Variants in PRKD1 observed in about 807,000 individuals in gnomAD.
The protein encoded by PRKD1 is protein kinase D1.
PRKD1 carries 63 observed loss-of-function variants against 95.9 expected under a neutral mutation model. That is an observed-to-expected ratio of 0.66 (90% CI 0.54 to 0.81). The LOEUF (loss-of-function observed/expected upper bound fraction) is 0.81, where lower values mean the gene tolerates loss of function less well. PRKD1 is among the 30% of genes least tolerant of loss of function. The probability of loss-of-function intolerance (pLI) is 0.00; values close to 1 mark genes in which losing one functional copy is unlikely to be tolerated. For missense variants in PRKD1, 1,048 were observed against 1,165.3 expected, an observed-to-expected ratio of 0.90 and a Z score of 1.47; for synonymous variants, 425 against 423.1, an observed-to-expected ratio of 1.00 and a Z score of -0.05.
intron 16 of PRKD1, among the ~76,000 whole-genome samples, chr14:29,593,301 TA>T (rs1222616537): frequency 1.3e-5 from 2 of 152,338 alleles, no homozygotes; most frequent in Non-Finnish European, 2.9e-5. Flanking sequence ...AATTTTCTCT[TA>T]TTTTTCAAAT....
intron 1 of PRKD1, among the ~76,000 whole-genome samples, chr14:29,868,054 G>A (rs1034381901): frequency 5.9e-5 from 9 of 152,130 alleles, no homozygotes; most frequent in Admixed American, 6.5e-5. Flanking sequence ...TCTTATTTAT[G>A]CAAAAAGATT....
intron 1 of PRKD1, among the ~76,000 whole-genome samples, chr14:29,776,510 G>A (rs1888762968): frequency 6.6e-6 from 1 of 152,136 alleles, no homozygotes; most frequent in Non-Finnish European, 1.5e-5. Context: ...ACAAGCTTCA[G>A]TACCCGATTC....
At chr14:29,646,396 T>C (rs1231472420) in intron 4 of PRKD1, among the ~76,000 whole-genome samples, 1 of 152,146 alleles carries the variant, frequency 6.6e-6, no homozygotes, top group Non-Finnish European at 1.5e-5. Context: ...AATTGGATTG[T>C]CTGTAACACA....
intron 1 of PRKD1, among the ~76,000 whole-genome samples, chr14:29,775,224 G>A (rs534611580): frequency 6.6e-5 from 10 of 152,330 alleles, no homozygotes; most frequent in South Asian, 2.1e-4. Context: ...TGTGAGCGAC[G>A]CAGAAGGCGG....
intron 2 of PRKD1, among the ~76,000 whole-genome samples, chr14:29,696,897 G>T (rs1884548410): frequency 6.6e-6 from 1 of 152,110 alleles, no homozygotes; most frequent in South Asian, 2.1e-4. Flanking sequence ...GGAGGTGACT[G>T]TATTGAACAG....
At chr14:29,723,635 G>T (rs1345446852) in intron 2 of PRKD1, among the ~76,000 whole-genome samples, 1 of 151,192 alleles carries the variant, frequency 6.6e-6, no homozygotes, top group African/African-American at 2.4e-5. Flanking sequence ...GATGGTTATA[G>T]GTAAGCGCAG....
chr14:29,599,378 A>G (rs891117727), intron 14 of PRKD1, among the ~76,000 whole-genome samples: 1 of 152,204 alleles, frequency 6.6e-6, no homozygotes, highest in African/African-American at 2.4e-5. Context: ...CCCATTCTTA[A>G]ATATTCTCAA....
At chr14:29,738,536 G>A (rs928919272) in intron 1 of PRKD1, among the ~76,000 whole-genome samples, 1 of 152,174 alleles carries the variant, frequency 6.6e-6, no homozygotes, top group Non-Finnish European at 1.5e-5. Context: ...AGATAAATCT[G>A]TAATACCTAT....
intron 1 of PRKD1, among the ~76,000 whole-genome samples, chr14:29,808,282 G>T (rs1890324243): frequency 7.2e-6 from 1 of 138,292 alleles, no homozygotes; most frequent in Non-Finnish European, 1.5e-5. Flanking sequence ...CAAAAGAAAT[G>T]ACTTTATTTG....
At chr14:29,625,353 C>T (rs926394972) in intron 12 of PRKD1, among the ~76,000 whole-genome samples, 16 of 151,518 alleles carry the variant, frequency 1.1e-4, no homozygotes, top group African/African-American at 3.9e-4. Flanking sequence ...TTCTCATCTA[C>T]TTTACTCCAT....
At chr14:29,611,621 AC>A (rs1262022648) in intron 13 of PRKD1, among the ~76,000 whole-genome samples, 1 of 152,018 alleles carries the variant, frequency 6.6e-6, no homozygotes, top group Non-Finnish European at 1.5e-5. Flanking sequence ...TTAATGACTA[AC>A]CCATACATTT....
chr14:29,651,055 C>T (rs912484933), intron 4 of PRKD1, among the ~76,000 whole-genome samples: 4 of 152,200 alleles, frequency 2.6e-5, no homozygotes, highest in African/African-American at 7.2e-5. Context: ...CCATAATACT[C>T]AATGTCAAAC....
intron 1 of PRKD1, among the ~76,000 whole-genome samples, chr14:29,844,045 T>C (rs1891978756): frequency 6.6e-6 from 1 of 152,198 alleles, no homozygotes; most frequent in Non-Finnish European, 1.5e-5. Context: ...AGGTCAAGCT[T>C]AGAAAAGGCA....
At chr14:29,804,558 T>G (rs1890159992) in intron 1 of PRKD1, among the ~76,000 whole-genome samples, 1 of 150,256 alleles carries the variant, frequency 6.7e-6, no homozygotes, top group African/African-American at 2.5e-5. Context: ...ATATGCCTCC[T>G]TGTGCTACTT....
At position 29,663,758 on chromosome 14, in the gene PRKD1, T is replaced by A; in HGVS notation, c.637A>T (p.Ser213Cys). ...TCAGCAGATGATGTGCGGATGGTGC[T>A]GACCCCAGTGAGGGAAACGTTTGAG... is the stretch of plus-strand genomic sequence containing the variant. Reference protein sequence around the residue: ...RLSNVSLTGVSTIRTSSAELS... With the variant: ...RLSNVSLTGVCTIRTSSAELS... The change falls in exon 4 of 18, where the codon AGC becomes TGC. Residue 213 changes from serine to cysteine, a missense_variant. Around this residue, in one of 3 missense-constraint regions of PRKD1, gnomAD observed 275 missense variants for 248.6 expected, o/e 1.11. Transcript: ENST00000331968. 1 of 1,614,098 alleles carries A rather than the reference T, an allele frequency of 6.2e-7. No homozygotes were observed.
At chr14:29,617,354 C>T (rs1348213373) in intron 13 of PRKD1, among the ~76,000 whole-genome samples, 1 of 151,948 alleles carries the variant, frequency 6.6e-6, no homozygotes, top group African/African-American at 2.4e-5. Flanking sequence ...CTGTGCCCAG[C>T]CATTGTTCTG....
chr14:29,811,428 G>A (rs764435586), intron 1 of PRKD1, among the ~76,000 whole-genome samples: 26 of 152,274 alleles, frequency 1.7e-4, no homozygotes, highest in Non-Finnish European at 3.2e-4. Context: ...TCTACTGCTC[G>A]AGCCCACAGG....
In PRKD1 at chr14:29,826,688, CACATATATAT is replaced by C. The variant is rs1765547448; in HGVS notation, c.264+100551_264+100560del. On this transcript the variant is annotated intron_variant, in intron 1 of 17. Coordinates refer to ENST00000331968, the MANE Select transcript of PRKD1 (RefSeq NM_002742.3). ...GTATATATGTGTATATATATATACA[CACATATATAT>C]ACATATATACACATATATATATACA... 9.7e-5 allele frequency among the ~76,000 whole-genome samples: 4 copies of C among 41,278 alleles called. 1 individual carries two copies. The highest frequency in any genetic ancestry group is 3.1e-4 in the African/African-American group (4 of 12,934). 27.1% of individuals were successfully genotyped at this position (41,278 alleles called of 152,430 possible). A position where few individuals can be genotyped will look rare whatever the true frequency, so the allele number is the denominator to read the frequency against.
chr14:29,789,601 G>C (rs953719427), intron 1 of PRKD1, among the ~76,000 whole-genome samples: 1 of 152,182 alleles, frequency 6.6e-6, no homozygotes, highest in African/African-American at 2.4e-5. Flanking sequence ...CACCTAGGTG[G>C]TGCCTATAAG....
Sources: allele counts gnomAD v4.1 joint callset (sites outside exome capture counted in the v4.1 genomes callset), GRCh38; gene constraint gnomAD v4.1.1; regional missense constraint gnomAD v4.1.1; transcripts MANE v1.5; gene names NCBI Gene and HGNC (gene_info 2026-07-23, HGNC 2026-07-21).